The following DYNC2H1 variants were observed in gnomAD, a reference collection of about 807,000 sequenced individuals.
DYNC2H1 encodes cytoplasmic dynein 2 heavy chain 1.
In DYNC2H1, 410 loss-of-function variants were observed where a neutral mutation model predicts 570.0. The observed-to-expected ratio is 0.72, with a 90% CI of 0.66 to 0.78. DYNC2H1 has a LOEUF of 0.78. Ranked by LOEUF, DYNC2H1 falls within the 30% of genes least tolerant of loss-of-function variation. The probability of loss-of-function intolerance (pLI) is 0.00; values close to 1 mark genes in which losing one functional copy is unlikely to be tolerated. For synonymous variants in DYNC2H1, 1,688 were observed against 1,677.6 expected, an observed-to-expected ratio of 1.01 and a Z score of -0.15; for missense variants, 4,865 against 5,046.4, an observed-to-expected ratio of 0.96 and a Z score of 1.09.
intron 83 of DYNC2H1, among the ~76,000 whole-genome samples, chr11:103,389,848 T>C (rs940635084): frequency 3.9e-5 from 6 of 152,222 alleles, no homozygotes; most frequent in African/African-American, 1.2e-4. Context: ...TTGATTGCAC[T>C]GTGGTCTGAG....
intron 87 of DYNC2H1, 114 bp downstream of exon 87, chr11:103,456,470 T>A (rs1944793547): frequency 2.9e-6 from 2 of 681,910 alleles, no homozygotes; most frequent in African/African-American, 3.6e-5. Context: ...TCAGTAGAGT[T>A]AGATTGTATT....
At chr11:103,426,456 G>T (rs570965753) in intron 84 of DYNC2H1, among the ~76,000 whole-genome samples, 2 of 152,296 alleles carry the variant, frequency 1.3e-5, no homozygotes, top group African/African-American at 4.8e-5. Flanking sequence ...GTGGGGGTAG[G>T]ACTGATGGAT....
chr11:103,457,634 T>C (rs189159353), intron 87 of DYNC2H1, among the ~76,000 whole-genome samples: 7 of 152,302 alleles, frequency 4.6e-5, no homozygotes, highest in Admixed American at 3.9e-4. Flanking sequence ...GCTTAAAACA[T>C]AAACACATTG....
intron 84 of DYNC2H1, among the ~76,000 whole-genome samples, chr11:103,423,149 A>G (rs1943546381): frequency 6.6e-6 from 1 of 152,124 alleles, no homozygotes; most frequent in Admixed American, 6.5e-5. Flanking sequence ...ATTGGCATAA[A>G]GCCAGATACA....
intron 82 of DYNC2H1, among the ~76,000 whole-genome samples, chr11:103,346,325 A>T (rs1939742636): frequency 6.6e-6 from 1 of 152,158 alleles, no homozygotes; most frequent in South Asian, 2.1e-4. Flanking sequence ...TTTTTCTCAG[A>T]TATACTCTAT....
At position 103,254,686 on chromosome 11, in the gene DYNC2H1, CTTTTTAATTGTAG is replaced by C. The variant is rs1291720065; in HGVS notation, c.10207-727_10207-715del. ...CTTGCCAACTCTGGTTGTTATGTAT[CTTTTTAATTGTAG>C]TCATTCTAGTGGGAGTGAAGTGGTA... On this transcript the variant is annotated intron_variant, in intron 66 of 88. Coordinates refer to ENST00000375735, the MANE Select transcript of DYNC2H1 (RefSeq NM_001377.3). The surrounding 1 kb of genome is among the most constrained non-coding windows in gnomAD (Gnocchi z 4.9). 1.3e-5 allele frequency among the ~76,000 whole-genome samples: 2 copies of C among 151,996 alleles called. No individual in the cohort carries two copies. The highest frequency in any genetic ancestry group is 4.8e-5 in the African/African-American group (2 of 41,366).
At chr11:103,400,553 TG>T (rs1942595429) in intron 84 of DYNC2H1, among the ~76,000 whole-genome samples, 1 of 152,136 alleles carries the variant, frequency 6.6e-6, no homozygotes, top group African/African-American at 2.4e-5. Context: ...AACAAAAATA[TG>T]GGATGTTCTG....
At chr11:103,287,981 G>T (rs1866417700) in intron 75 of DYNC2H1, among the ~76,000 whole-genome samples, 1 of 152,112 alleles carries the variant, frequency 6.6e-6, no homozygotes, top group Non-Finnish European at 1.5e-5. Flanking sequence ...GGTGGGTAGG[G>T]GCTTGGGAAG....
chr11:103,414,489 C>T (rs536203329), intron 84 of DYNC2H1, among the ~76,000 whole-genome samples: 50 of 152,050 alleles, frequency 3.3e-4, no homozygotes, highest in African/African-American at 1.1e-3. Context: ...CTTGGTGGCA[C>T]GTGCCTGTAA....
chr11:103,346,296 G>A (rs1165548111), intron 82 of DYNC2H1, among the ~76,000 whole-genome samples: 2 of 152,026 alleles, frequency 1.3e-5, no homozygotes, highest in African/African-American at 2.4e-5. Context: ...TTCTGAAATC[G>A]GAAAGCTTAA....
intron 10 of DYNC2H1, among the ~76,000 whole-genome samples, chr11:103,121,901 T>G (rs1258272807): frequency 1.3e-5 from 2 of 152,074 alleles, no homozygotes; most frequent in African/African-American, 2.4e-5. Context: ...CAGTGAGCCA[T>G]AATTGTGCCA....
At chr11:103,221,901 G>C (rs1380529844) in intron 57 of DYNC2H1, 129 bp from the exon 58 acceptor site, 7 of 909,914 alleles carry the variant, frequency 7.7e-6, no homozygotes, top group Non-Finnish European at 9.9e-6. Flanking sequence ...AAGCTTAAAG[G>C]TTTTAATACC....
Position 103,135,574 on chromosome 11 carries a change from A to T in DYNC2H1, c.2285A>T (p.Gln762Leu). ...TACAAAGCTCTGGAGCATCAGTACCAGATGGGCTTAGAAGCACTTAATGAG... is the reference window on the plus strand; with the variant it reads ...TACAAAGCTCTGGAGCATCAGTACCTGATGGGCTTAGAAGCACTTAATGAG... The part of the protein sequence containing the change: ...QLYKALEHQY[Q>L]MGLEALNENL... The change falls in exon 16 of 89, where the codon CAG becomes CTG. Residue 762 changes from glutamine (Q) to leucine (L), a missense_variant. By Grantham distance (113) the Gln-to-Leu change is moderately radical (BLOSUM62 -2). Coordinates refer to ENST00000375735, the MANE Select transcript of DYNC2H1 (RefSeq NM_001377.3). 1 of 1,613,326 alleles carries T rather than the reference A, an allele frequency of 6.2e-7. No homozygotes were observed.
At chr11:103,396,015 T>G (rs1337670371) in intron 83 of DYNC2H1, among the ~76,000 whole-genome samples, 2 of 152,212 alleles carry the variant, frequency 1.3e-5, no homozygotes, top group Non-Finnish European at 2.9e-5. Flanking sequence ...TGACTGTTCA[T>G]CGAGTCTTTT....
In DYNC2H1 at chr11:103,435,996, C is replaced by T. The variant is rs1199387308; in HGVS notation, c.12420C>T (p.Tyr4140=). 1 of 1,612,574 alleles carries T rather than the reference C, an allele frequency of 6.2e-7. No homozygotes were observed. Among genetic ancestry groups the T allele is most frequent in the South Asian group, 1.1e-5 (1 of 91,032 alleles). The change falls in exon 85 of 89, where the codon TAC becomes TAT. Residue 4140 remains tyrosine (Y), a synonymous_variant. Coordinates refer to ENST00000375735, the MANE Select transcript of DYNC2H1 (RefSeq NM_001377.3). ...AAGGCCCAGAAGATCCCTTACAATACCTGAGAGGTCTTGTTGCCCGTGCCC... is the reference window on the plus strand; with the variant it reads ...AAGGCCCAGAAGATCCCTTACAATATCTGAGAGGTCTTGTTGCCCGTGCCC... ...KWEGPEDPLQ[Y]LRGLVARALA...
In DYNC2H1 at chr11:103,136,694, A is replaced by C. The variant is rs1357378166; in HGVS notation, c.2574+746A>C. ...AGTGCCACAATAAACATACGTGTGCATGTGTCTTTATAGCAGCATGATTTA... is the reference window on the plus strand; with the variant it reads ...AGTGCCACAATAAACATACGTGTGCCTGTGTCTTTATAGCAGCATGATTTA... On this transcript the variant is annotated intron_variant, in intron 17 of 88. Coordinates refer to ENST00000375735, the MANE Select transcript of DYNC2H1 (RefSeq NM_001377.3). Among the ~76,000 whole-genome samples, 2 of 152,110 alleles carry C rather than the reference A, an allele frequency of 1.3e-5. 1 individual carries two copies. Among genetic ancestry groups the C allele is most frequent in the Admixed American group, 1.3e-4 (2 of 15,262 alleles).
At chr11:103,386,576 T>C (rs2566937) in intron 83 of DYNC2H1, among the ~76,000 whole-genome samples, 101,455 of 151,326 alleles carry the variant, frequency 0.67, 34,121 homozygotes, top group Admixed American at 0.73. Context: ...TGTATACATG[T>C]GCCATGTTGG....
At chr11:103,364,494 A>G (rs957460805) in intron 83 of DYNC2H1, among the ~76,000 whole-genome samples, 1 of 152,014 alleles carries the variant, frequency 6.6e-6, no homozygotes, top group Non-Finnish European at 1.5e-5. Context: ...TTCTTTTTAA[A>G]TTTAAATTGA....
chr11:103,230,978 C>T (rs1370304720), intron 59 of DYNC2H1, among the ~76,000 whole-genome samples: 3 of 151,966 alleles, frequency 2.0e-5, no homozygotes, highest in African/African-American at 7.3e-5. Context: ...TAGTAGGGTT[C>T]TAGAAGGGAT....
Sources: allele counts gnomAD v4.1 joint callset (sites outside exome capture counted in the v4.1 genomes callset), GRCh38; gene constraint gnomAD v4.1.1; non-coding constraint Gnocchi (gnomAD v3.1); transcripts MANE v1.5; gene names NCBI Gene and HGNC (gene_info 2026-07-23, HGNC 2026-07-21).